KCNIP1: variants seen among roughly 807,000 people sequenced by gnomAD.
KCNIP1 encodes the protein A-type potassium channel modulatory protein KCNIP1.
In KCNIP1, 18 loss-of-function variants were observed where a neutral mutation model predicts 33.0. The observed-to-expected ratio is 0.55, with a 90% CI of 0.38 to 0.81. The LOEUF is 0.81. KCNIP1 is among the 30% of genes least tolerant of loss of function. The pLI is 0.00. For missense variants in KCNIP1, 238 were observed against 271.6 expected (o/e 0.88, Z 0.87); for synonymous variants, 93 against 98.3 (o/e 0.95, Z 0.32).
At chr5:170,693,312 A>T (rs1288669248) in intron 1 of KCNIP1, among the ~76,000 whole-genome samples, 1 of 152,112 alleles carries the variant, frequency 6.6e-6, no homozygotes, top group Non-Finnish European at 1.5e-5. Context: ...ACGTAGAATG[A>T]CCTGGAAGCC....
intron 1 of KCNIP1, among the ~76,000 whole-genome samples, chr5:170,457,306 A>C (rs1331869247): frequency 4.6e-5 from 7 of 152,208 alleles, no homozygotes; most frequent in Non-Finnish European, 1.5e-5. Context: ...GGGCAGCAAA[A>C]CTGCAGGGGC....
At chr5:170,643,945 TTC>T (rs1760682839) in intron 1 of KCNIP1, among the ~76,000 whole-genome samples, 1 of 152,204 alleles carries the variant, frequency 6.6e-6, no homozygotes, top group Non-Finnish European at 1.5e-5. Flanking sequence ...CACGTTCCTG[TTC>T]TGTCACTCAC....
At chr5:170,400,715 G>C (rs1392682513) in intron 1 of KCNIP1, among the ~76,000 whole-genome samples, 1 of 152,172 alleles carries the variant, frequency 6.6e-6, no homozygotes, top group Non-Finnish European at 1.5e-5. Flanking sequence ...CACTGAGGTG[G>C]AAACACAGCA....
chr5:170,578,516 AG>A (rs1463582695), intron 1 of KCNIP1, among the ~76,000 whole-genome samples: 1 of 152,160 alleles, frequency 6.6e-6, no homozygotes, highest in Non-Finnish European at 1.5e-5. Flanking sequence ...AGGAGATGGA[AG>A]GGACTCTCAA....
At chr5:170,505,503 C>T (rs1222095309) in intron 1 of KCNIP1, among the ~76,000 whole-genome samples, 6 of 152,130 alleles carry the variant, frequency 3.9e-5, no homozygotes, top group Non-Finnish European at 8.8e-5. Flanking sequence ...AATGTCACTA[C>T]GAGTGGTAAG....
intron 1 of KCNIP1, among the ~76,000 whole-genome samples, chr5:170,399,000 C>T (rs1348772467): frequency 6.6e-6 from 1 of 152,164 alleles, no homozygotes; most frequent in East Asian, 1.9e-4. Context: ...TTATTGGAAA[C>T]TACTTTGTTA....
chr5:170,550,594 ATGATGATGATGGTGATGACAATGATGG>A (rs1418599370), intron 1 of KCNIP1, among the ~76,000 whole-genome samples: 6 of 151,418 alleles, frequency 4.0e-5, no homozygotes, highest in Non-Finnish European at 7.4e-5. Flanking sequence ...GATGGCAATG[ATGATGATGATGGTGATGACAATGATGG>A]TGATGATGAT....
At chr5:170,551,835 C>T (rs943632160) in intron 1 of KCNIP1, among the ~76,000 whole-genome samples, 2 of 150,566 alleles carry the variant, frequency 1.3e-5, no homozygotes, top group African/African-American at 2.4e-5. Context: ...TTTGAGTGTA[C>T]GTGTTAGTGC....
At chr5:170,618,537 A>AAGGGGGG (rs1759482113) in intron 1 of KCNIP1, among the ~76,000 whole-genome samples, 1 of 29,658 alleles carries the variant, frequency 3.4e-5, no homozygotes, top group Non-Finnish European at 6.2e-5. Flanking sequence ...GGAGGGAGGA[A>AAGGGGGG]AGGAGGGAGG....
intron 1 of KCNIP1, among the ~76,000 whole-genome samples, chr5:170,638,226 C>G (rs1022712436): frequency 2.6e-5 from 4 of 152,144 alleles, no homozygotes; most frequent in African/African-American, 9.7e-5. Flanking sequence ...AGGAGGCAGC[C>G]AGGCCAGGTT....
chr5:170,693,768 G>T (rs1196985455), intron 1 of KCNIP1, among the ~76,000 whole-genome samples: 1 of 152,214 alleles, frequency 6.6e-6, no homozygotes, highest in Non-Finnish European at 1.5e-5. Context: ...TGCATTTACT[G>T]CAGCAGACAC....
intron 1 of KCNIP1, among the ~76,000 whole-genome samples, chr5:170,388,605 G>A (rs1764583188): frequency 6.6e-6 from 1 of 152,230 alleles, no homozygotes; most frequent in African/African-American, 2.4e-5. Context: ...TGTCCTGGGT[G>A]ACCTGATAGC....
intron 1 of KCNIP1, among the ~76,000 whole-genome samples, chr5:170,505,554 T>C (rs949831995): frequency 6.6e-6 from 1 of 152,124 alleles, no homozygotes; most frequent in Admixed American, 6.5e-5. Context: ...AATTCTACCA[T>C]CAGAGCCCCC....
intron 1 of KCNIP1, among the ~76,000 whole-genome samples, chr5:170,370,971 A>C (rs1185916310): frequency 6.6e-6 from 1 of 152,234 alleles, no homozygotes; most frequent in Non-Finnish European, 1.5e-5. Context: ...GGCAATATGT[A>C]AGCAAGCATG....
intron 1 of KCNIP1, among the ~76,000 whole-genome samples, chr5:170,430,023 C>T (rs1755705247): frequency 6.6e-6 from 1 of 152,198 alleles, no homozygotes. Context: ...CCACTGATGT[C>T]CCCACAGATT....
chr5:170,726,745 C>CAAAAAAAAAAAAAAAAA (rs57173351), intron 5 of KCNIP1, among the ~76,000 whole-genome samples: 6 of 56,684 alleles, frequency 1.1e-4, no homozygotes, highest in East Asian at 4.7e-4. Flanking sequence ...ACTAAAAATA[C>CAAAAAAAAAAAAAAAAA]AAAAAAAAAA....
intron 1 of KCNIP1, among the ~76,000 whole-genome samples, chr5:170,597,720 T>G (rs1160827356): frequency 1.4e-5 from 2 of 139,878 alleles, no homozygotes; most frequent in Non-Finnish European, 3.1e-5. Context: ...ACCAGGCTGG[T>G]TTCGGTTTCC....
rs112128035 is a variant in KCNIP1 at position 170,570,684 on chromosome 5, G to A, written c.61+66051G>A. Among the ~76,000 whole-genome samples, 608 of 152,346 alleles carry A rather than the reference G, an allele frequency of 4.0e-3. 8 individuals are homozygous for A. The highest frequency in any genetic ancestry group is 0.014 in the African/African-American group (568 of 41,588). The stretch of plus-strand genomic sequence containing the variant: ...TTATGACTGTGGCCCCGTGCCAGGC[G>A]GCGGGTCAGCATTGGAGCACCAGCG... On this transcript the variant is annotated intron_variant, in intron 1 of 7. Coordinates refer to ENST00000328939, the MANE Select transcript of KCNIP1 (RefSeq NM_014592.4).
intron 1 of KCNIP1, among the ~76,000 whole-genome samples, chr5:170,473,363 A>G (rs1756779603): frequency 6.6e-6 from 1 of 152,186 alleles, no homozygotes; most frequent in African/African-American, 2.4e-5. Context: ...TAAAATGTGT[A>G]CCAGTGTTAT....
Sources: allele counts gnomAD v4.1 joint callset (sites outside exome capture counted in the v4.1 genomes callset), GRCh38; gene constraint gnomAD v4.1.1; transcripts MANE v1.5; gene names NCBI Gene and HGNC (gene_info 2026-07-23, HGNC 2026-07-21).